The following CEP192 variants were observed in gnomAD, a reference collection of about 807,000 sequenced individuals.
CEP192 encodes centrosomal protein 192.
In CEP192, 151 loss-of-function variants were observed where a neutral mutation model predicts 271.8. That is an observed-to-expected ratio of 0.56 (90% confidence interval 0.49 to 0.64). The LOEUF is 0.64. Among genes scored for constraint, CEP192 ranks in the 30% least tolerant of loss-of-function variants. CEP192 has a pLI of 0.00. For synonymous variants in CEP192, 995 were observed against 1,076.5 expected (o/e 0.92, Z 1.48); for missense variants, 2,910 against 3,020.5 (o/e 0.96, Z 0.86).
At position 13,099,530 on chromosome 18, in the gene CEP192, A is replaced by T. The variant is rs768327883; in HGVS notation, c.6612A>T (p.Ser2204=). The change falls in exon 37 of 45, where the codon TCA becomes TCT. Residue 2204 remains serine (S), a synonymous_variant. Transcript: ENST00000506447. ...ATTCCTCCTTATCCACAAAACAGTC[A>T]ATGTTCCCGTGGAGTGGTTTGATCT... ...SPNSSLSTKQ[S]MFPWSGLIYI... The T allele has an allele frequency of 6.2e-7, 1 of 1,605,290 alleles. No individual in the cohort carries two copies. The highest frequency in any genetic ancestry group is 8.5e-7 in the Non-Finnish European group (1 of 1,176,220).
Position 12,999,585 on chromosome 18 carries a change from AC to A in CEP192, c.162del (p.Asn54LysfsTer11). 1 of 1,529,682 alleles carries A rather than the reference AC, an allele frequency of 6.5e-7. No individual in the cohort carries two copies. Among genetic ancestry groups the A allele is most frequent in the African/African-American group, 1.4e-5 (1 of 72,228 alleles). 94.8% of individuals were successfully genotyped at this position (1,529,682 alleles called of 1,614,324 possible). A position where few individuals can be genotyped will look rare whatever the true frequency, so the allele number is the denominator to read the frequency against. ...GCTAGGGATAGATCCAGCACTGATA[AC>A]AGGTAAGATTTGTTTGAGCAGATTT... ...TLARDRSSTD[N>X]RYPDIQASYL... On this transcript the variant is annotated frameshift_variant and splice_region_variant, in exon 2 of 45. Coordinates refer to ENST00000506447, the MANE Select transcript of CEP192 (RefSeq NM_032142.4). LOFTEE classifies it high-confidence loss of function.
At chr18:13,117,047 C>T (rs1198493472) in intron 43 of CEP192, among the ~76,000 whole-genome samples, 2 of 149,136 alleles carry the variant, frequency 1.3e-5, no homozygotes, top group East Asian at 3.9e-4. Flanking sequence ...TATAGTGAGA[C>T]TCCATCTCTA....
intron 21 of CEP192, 58 bp downstream of exon 21, chr18:13,059,370 C>A: frequency 7.2e-7 from 1 of 1,396,114 alleles, no homozygotes; most frequent in Non-Finnish European, 9.9e-7. Flanking sequence ...GACTGTTTAA[C>A]CTTAGAAGTA....
chr18:13,098,330 C>T (rs544660825), intron 36 of CEP192, among the ~76,000 whole-genome samples: 1 of 152,084 alleles, frequency 6.6e-6, no homozygotes, highest in East Asian at 2.0e-4. Flanking sequence ...CTGACCCCCA[C>T]CTCCCTCCCG....
chr18:13,029,272 A>G (rs1370424071), intron 9 of CEP192, among the ~76,000 whole-genome samples: 1 of 152,244 alleles, frequency 6.6e-6, no homozygotes, highest in African/African-American at 2.4e-5. Flanking sequence ...ATTAATATCT[A>G]GGGCTGTTTA....
At chr18:12,996,245 G>T (rs2033229453) in intron 1 of CEP192, among the ~76,000 whole-genome samples, 1 of 152,054 alleles carries the variant, frequency 6.6e-6, no homozygotes, top group South Asian at 2.1e-4. Context: ...GCAAGGTCCT[G>T]GGCAGGTTGT....
intron 9 of CEP192, among the ~76,000 whole-genome samples, chr18:13,027,022 A>G (rs920197201): frequency 2.6e-5 from 4 of 152,166 alleles, no homozygotes; most frequent in African/African-American, 9.6e-5. Flanking sequence ...TGTTGTGGTA[A>G]GGTGTTGGGG....
At position 13,017,445 on chromosome 18, in the gene CEP192, T is replaced by G. The variant is rs904391858; in HGVS notation, c.789+109T>G. 20 of 757,924 alleles carry G rather than the reference T, an allele frequency of 2.6e-5. No individual in the cohort carries two copies. The South Asian group carries it at 5.4e-4, about 21-fold the overall frequency. The allele number at this position is 757,924 out of a possible 1,614,324, so 46.9% of individuals were successfully genotyped here. A position where few individuals can be genotyped will look rare whatever the true frequency, so the allele number is the denominator to read the frequency against. ...AGCCTTTGGACTTTGGACTTTTCTT[T>G]GGACTCTGTGTTTCCGAGGTATGAA... On this transcript the variant is annotated intron_variant, in intron 7 of 44. Coordinates refer to ENST00000506447, the MANE Select transcript of CEP192 (RefSeq NM_032142.4).
intron 19 of CEP192, 93 bp from the exon 20 acceptor site, chr18:13,057,492 C>A: frequency 7.2e-7 from 1 of 1,390,134 alleles, no homozygotes; most frequent in Non-Finnish European, 9.9e-7. Context: ...GTAAACAGGC[C>A]ATCTTATAAA....
intron 3 of CEP192, among the ~76,000 whole-genome samples, chr18:13,003,725 A>G (rs2033804237): frequency 6.6e-6 from 1 of 152,140 alleles, no homozygotes; most frequent in South Asian, 2.1e-4. Context: ...ACTTGAGCCC[A>G]GGAGATCCAG....
At chr18:13,016,544 C>G (rs2034656644) in intron 6 of CEP192, among the ~76,000 whole-genome samples, 2 of 152,282 alleles carry the variant, frequency 1.3e-5, no homozygotes, top group South Asian at 4.1e-4. Flanking sequence ...GATAAATAAT[C>G]ATTGACCTGA....
chr18:13,000,091 C>CTCTCTTTTTTTTTTTTTTTTT lies in CEP192; in HGVS notation c.164+504_164+505insCTCTTTTTTTTTTTTTTTTTT, dbSNP rs1555698196. On this transcript the variant is annotated intron_variant, in intron 2 of 44. Coordinates refer to ENST00000506447, the MANE Select transcript of CEP192 (RefSeq NM_032142.4). ...CTCTGTATAACTCATTGTCTTCTCTCTTTTTTTTTTTTTTTTTTTTTTTTT... is the reference window on the plus strand; with the variant it reads ...CTCTGTATAACTCATTGTCTTCTCTCTCTCTTTTTTTTTTTTTTTTTTTTTTTTTTTTTTTTTTTTTTTTTT... 5.2e-5 allele frequency among the ~76,000 whole-genome samples: 4 copies of CTCTCTTTTTTTTTTTTTTTTT among 76,750 alleles called. 1 individual carries two copies. The highest frequency in any genetic ancestry group is 1.1e-4 in the Non-Finnish European group (4 of 36,536). The allele number at this position is 76,750 out of a possible 152,430, so 50.4% of individuals were successfully genotyped here.
chr18:13,021,274 G>C (rs138518340), intron 9 of CEP192, among the ~76,000 whole-genome samples: 2 of 152,068 alleles, frequency 1.3e-5, no homozygotes, highest in East Asian at 3.8e-4. Context: ...GATTTGTTTC[G>C]AGTTTATTTT....
chr18:13,111,205 A>T (rs1353163529), intron 40 of CEP192, among the ~76,000 whole-genome samples: 1 of 152,136 alleles, frequency 6.6e-6, no homozygotes, highest in African/African-American at 2.4e-5. Context: ...TCTCACTGCA[A>T]CCTCTGCCTC....
At chr18:13,091,789 TATAA>T (rs2039159770) in intron 33 of CEP192, among the ~76,000 whole-genome samples, 1 of 152,206 alleles carries the variant, frequency 6.6e-6, no homozygotes, top group Admixed American at 6.5e-5. Flanking sequence ...TTCATTAATC[TATAA>T]ATATTTAATT....
chr18:13,034,069 G>A (rs2035779745), intron 11 of CEP192, among the ~76,000 whole-genome samples: 1 of 152,144 alleles, frequency 6.6e-6, no homozygotes, highest in Non-Finnish European at 1.5e-5. Flanking sequence ...ACTTTGAAAA[G>A]CTCTTTATTG....
chr18:13,114,013 A>C (rs1450772315), intron 41 of CEP192, 117 bp from the exon 42 acceptor site: 1 of 1,231,624 alleles, frequency 8.1e-7, no homozygotes, highest in Admixed American at 2.4e-5. Context: ...GGATTTAAAA[A>C]TCTTAAATTG....
chr18:13,057,721 T>G lies in CEP192; in HGVS notation c.4245T>G (p.Val1415=), dbSNP rs2037189486. The G allele has an allele frequency of 6.2e-7, 1 of 1,613,546 alleles. No individual in the cohort carries two copies. The highest frequency in any genetic ancestry group is 1.3e-5 in the African/African-American group (1 of 74,992). The change falls in exon 20 of 45, where the codon GTT becomes GTG. Residue 1415 remains valine (V), a synonymous_variant. Coordinates refer to ENST00000506447, the MANE Select transcript of CEP192 (RefSeq NM_032142.4). ...GCATTGGGGTCCTCAGCATTAGTGT[T>G]AATGGTGAAAAGGTAGCTTTCTATG... The part of the protein sequence containing the change: ...QVSIGVLSIS[V]NGEKVDLSTY...
intron 5 of CEP192, among the ~76,000 whole-genome samples, chr18:13,013,426 A>T (rs755553486): frequency 8.5e-5 from 13 of 152,204 alleles, no homozygotes; most frequent in Non-Finnish European, 1.5e-4. Context: ...TTGTTAAATG[A>T]TAGAGAAGCT....
Sources: allele counts gnomAD v4.1 joint callset (sites outside exome capture counted in the v4.1 genomes callset), GRCh38; gene constraint gnomAD v4.1.1; transcripts MANE v1.5; gene names NCBI Gene and HGNC (gene_info 2026-07-23, HGNC 2026-07-21).